Variants in KCNMB2 observed in about 807,000 individuals in gnomAD.
KCNMB2 encodes the protein calcium-activated potassium channel subunit beta-2.
In KCNMB2, 9 loss-of-function variants were observed where a neutral mutation model predicts 24.5. The ratio of observed to expected loss-of-function variants is 0.37; its 90% CI spans 0.22 to 0.64. The LOEUF (loss-of-function observed/expected upper bound fraction) is 0.64. KCNMB2 is among the 30% of genes least tolerant of loss of function. The probability of loss-of-function intolerance (pLI) is 0.63; values close to 1 mark genes in which losing one functional copy is unlikely to be tolerated. For synonymous variants in KCNMB2, 109 were observed against 104.4 expected (o/e 1.04, Z -0.27); for missense variants, 226 against 284.3 (o/e 0.79, Z 1.47).
intron 1 of KCNMB2, among the ~76,000 whole-genome samples, chr3:178,738,951 C>A (rs1723405730): frequency 6.6e-6 from 1 of 152,010 alleles, no homozygotes; most frequent in Admixed American, 6.6e-5. Flanking sequence ...GTCTGTTTCC[C>A]AACATGTAGA....
At chr3:178,716,441 ATTTTTT>A (rs35949431) in intron 1 of KCNMB2, among the ~76,000 whole-genome samples, 10 of 128,690 alleles carry the variant, frequency 7.8e-5, no homozygotes, top group African/African-American at 2.8e-4. Context: ...TAAAACCTGC[ATTTTTT>A]TTTTTTTTTT....
intron 1 of KCNMB2, among the ~76,000 whole-genome samples, chr3:178,757,546 G>A (rs201506996): frequency 3.3e-5 from 1 of 30,494 alleles, no homozygotes; most frequent in Middle Eastern, 0.036. Context: ...ATATATATAT[G>A]TATATATATC....
At chr3:178,650,994 C>T (rs1391450760) in intron 1 of KCNMB2, among the ~76,000 whole-genome samples, 1 of 152,096 alleles carries the variant, frequency 6.6e-6, no homozygotes, top group East Asian at 1.9e-4. Flanking sequence ...CTTTGAAAAA[C>T]AGATCAAGAC....
At chr3:178,806,683 C>CATAATA (rs61194423) in intron 1 of KCNMB2, among the ~76,000 whole-genome samples, 1,539 of 147,820 alleles carry the variant, frequency 0.01, 22 homozygotes, top group African/African-American at 0.026. Context: ...AAAGCCAAGT[C>CATAATA]ATAATAATAA....
chr3:178,800,599 C>T (rs189567264), intron 1 of KCNMB2, among the ~76,000 whole-genome samples: 2 of 152,200 alleles, frequency 1.3e-5, no homozygotes, highest in South Asian at 2.1e-4. Context: ...TTAGTACAAC[C>T]GTTATGGAAA....
chr3:178,554,233 C>G (rs1382919062), intron 1 of KCNMB2, among the ~76,000 whole-genome samples: 1 of 152,136 alleles, frequency 6.6e-6, no homozygotes, highest in Non-Finnish European at 1.5e-5. Context: ...GAGTTATATA[C>G]TTTATCCCCA....
chr3:178,836,685 A>G lies in KCNMB2; in HGVS notation c.424-5968A>G, dbSNP rs972969913. Among the ~76,000 whole-genome samples, 3 of 152,102 alleles carry G rather than the reference A, an allele frequency of 2.0e-5. 1 individual carries two copies. Among genetic ancestry groups the G allele is most frequent in the African/African-American group, 7.2e-5 (3 of 41,422 alleles). On this transcript the variant is annotated intron_variant, in intron 4 of 4. Transcript: ENST00000452583. The stretch of plus-strand genomic sequence containing the variant: ...GACCTATAGCCATGGTAAAATATTA[A>G]CATATTTTTTATCAGTACTAAAATA...
At chr3:178,683,789 T>C (rs1012027328) in intron 1 of KCNMB2, among the ~76,000 whole-genome samples, 2 of 152,202 alleles carry the variant, frequency 1.3e-5, no homozygotes, top group Non-Finnish European at 2.9e-5. Context: ...GCCTGGTTAT[T>C]ATCAAAAAGT....
intron 1 of KCNMB2, among the ~76,000 whole-genome samples, chr3:178,670,613 G>A (rs756404944): frequency 2.0e-5 from 3 of 152,074 alleles, no homozygotes; most frequent in Non-Finnish European, 2.9e-5. Context: ...TACAAACTAT[G>A]TACCATTATT....
intron 1 of KCNMB2, among the ~76,000 whole-genome samples, chr3:178,669,809 C>T (rs1400008851): frequency 6.6e-6 from 1 of 151,926 alleles, no homozygotes; most frequent in Non-Finnish European, 1.5e-5. Context: ...CCATGTGTGA[C>T]ATGGATTTTA....
intron 1 of KCNMB2, among the ~76,000 whole-genome samples, chr3:178,789,828 G>A (rs1245017036): frequency 1.3e-5 from 2 of 152,042 alleles, no homozygotes; most frequent in African/African-American, 4.8e-5. Flanking sequence ...GGCAGCCTAG[G>A]CCACAAGGAC....
chr3:178,788,835 T>C (rs1259278822), intron 1 of KCNMB2, among the ~76,000 whole-genome samples: 1 of 152,224 alleles, frequency 6.6e-6, no homozygotes, highest in African/African-American at 2.4e-5. Context: ...TTGTCTGACC[T>C]GCTTGTCTAG....
At chr3:178,759,442 T>TATATATATATCTCTCCAAGAGG in intron 1 of KCNMB2, among the ~76,000 whole-genome samples, 1 of 60,592 alleles carries the variant, frequency 1.7e-5, no homozygotes, top group African/African-American at 1.1e-4. Context: ...AGGATATATA[T>TATATATATATCTCTCCAAGAGG]ATATATATAT....
At chr3:178,641,815 T>C (rs538279660) in intron 1 of KCNMB2, among the ~76,000 whole-genome samples, 1 of 152,290 alleles carries the variant, frequency 6.6e-6, no homozygotes, top group South Asian at 2.1e-4. Context: ...CTTTTCAAGT[T>C]GAGAAAGTTC....
intron 1 of KCNMB2, among the ~76,000 whole-genome samples, chr3:178,559,924 T>TTA (rs1399313229): frequency 2.0e-4 from 30 of 147,450 alleles, no homozygotes; most frequent in African/African-American, 4.9e-4. Flanking sequence ...TTAATAAAAA[T>TTA]TATATATATA....
intron 1 of KCNMB2, among the ~76,000 whole-genome samples, chr3:178,656,084 A>C (rs61013363): frequency 0.14 from 21,587 of 152,258 alleles, 1,724 homozygotes; most frequent in Middle Eastern, 0.26. Flanking sequence ...CATGTAATTA[A>C]GACGTAAACA....
chr3:178,701,349 G>T lies in KCNMB2; in HGVS notation c.-67-105994G>T, dbSNP rs111487123. The stretch of plus-strand genomic sequence containing the variant: ...TTTGGTACCAGTACCATGCTGTTTT[G>T]GTTACTGTAGCCTTGTAGTATAGTT... On this transcript the variant is annotated intron_variant, in intron 1 of 4. Coordinates refer to ENST00000452583, the MANE Select transcript of KCNMB2 (RefSeq NM_181361.3). Among the ~76,000 whole-genome samples, 261 of 152,250 alleles carry T rather than the reference G, an allele frequency of 1.7e-3. 1 individual carries two copies. Among genetic ancestry groups the T allele is most frequent in the African/African-American group, 6.0e-3 (249 of 41,532 alleles).
In KCNMB2 at chr3:178,810,621, C is replaced by T. The variant is rs370523974; in HGVS notation, c.56+3156C>T. On this transcript the variant is annotated intron_variant, in intron 2 of 4. Transcript: ENST00000452583. ...TCTTTTTCTGATCATCTTCTATATA[C>T]AAAACATAAGGTCCTATCTTCATCT... 3.3e-4 allele frequency among the ~76,000 whole-genome samples: 51 copies of T among 152,274 alleles called. 1 individual carries two copies. In the South Asian group the frequency reaches 0.01, roughly 31 times the overall value.
chr3:178,788,584 A>G (rs761953931), intron 1 of KCNMB2, among the ~76,000 whole-genome samples: 1 of 152,170 alleles, frequency 6.6e-6, no homozygotes, highest in Non-Finnish European at 1.5e-5. Flanking sequence ...ATCTGCTGTT[A>G]CTCTAATTTT....
Sources: gnomAD v4.1 joint callset for allele counts (sites outside exome capture counted in the v4.1 genomes callset) on GRCh38, gnomAD v4.1.1 for gene constraint, MANE v1.5 for transcripts, NCBI Gene and HGNC (gene_info 2026-07-23, HGNC 2026-07-21) for gene names.